SLC19A1: variants seen among roughly 807,000 people sequenced by gnomAD.
SLC19A1 encodes the protein reduced folate transporter.
Under a neutral mutation model 35.3 loss-of-function variants are expected in SLC19A1, and 37 were observed. The observed-to-expected ratio is 1.05, with a 90% confidence interval of 0.81 to 1.38. The LOEUF (loss-of-function observed/expected upper bound fraction) is 1.38, where lower values mean the gene tolerates loss of function less well. Ranked by LOEUF, SLC19A1 falls within the 40% of genes most tolerant of loss-of-function variation. The pLI, the probability that SLC19A1 is intolerant of heterozygous loss-of-function variation, is 0.00. For synonymous variants in SLC19A1, 460 were observed against 398.5 expected (o/e 1.15, Z -1.84); for missense variants, 831 against 826.9 (o/e 1.00, Z -0.06).
At chr21:45,516,511 G>A (rs968428924) in intron 5 of SLC19A1, among the ~76,000 whole-genome samples, 3 of 152,332 alleles carry the variant, frequency 2.0e-5, no homozygotes, top group East Asian at 3.9e-4. Flanking sequence ...AGAACGTCCC[G>A]CCTGGCAGAG....
downstream of SLC19A1, chr21:45,509,993 G>A (rs2037479198): frequency 6.7e-7 from 1 of 1,498,240 alleles, no homozygotes; most frequent in Non-Finnish European, 8.9e-7. Context: ...CGGGGCCGGG[G>A]TGGTGCGCCC....
chr21:45,548,895 C>G (rs1468416833), upstream of SLC19A1, among the ~76,000 whole-genome samples: 1 of 152,128 alleles, frequency 6.6e-6, no homozygotes, highest in East Asian at 1.9e-4. Context: ...ATTTAAGAAG[C>G]TGACAATACT....
At chr21:45,557,630 A>G (rs1432588852) in intron 1 of SLC19A1, among the ~76,000 whole-genome samples, 2 of 152,196 alleles carry the variant, frequency 1.3e-5, no homozygotes, top group East Asian at 3.9e-4. Context: ...AACCAAGGCC[A>G]CTCACTGCCC....
At position 45,505,235 on chromosome 21, in the gene SLC19A1, AGGCCCCCCAG is replaced by A. The variant is rs756797124; in HGVS notation, c.498-6633_498-6624del. ...GGCGCCAGGGCCCTCCCGGCCCCCC[AGGCCCCCCAG>A]GGCCCCCTTCATTTCCTGGCCCTCA... On this transcript the variant is annotated intron_variant, in intron 3 of 4. Transcript: ENST00000417954. 22 of 1,595,018 alleles carry A rather than the reference AGGCCCCCCAG, an allele frequency of 1.4e-5. No individual in the cohort carries two copies. The highest frequency in any genetic ancestry group is 1.7e-5 in the Non-Finnish European group (20 of 1,167,760).
Position 45,515,053 on chromosome 21 carries a change from G to T in SLC19A1, c.*605C>A, listed in dbSNP as rs1016751586. ...AGGGTGGGAGAGAGGAACCAGCTCC[G>T]AGGACCAGAGCCGCTGCTCCCCTCT... On this transcript the variant is annotated 3_prime_UTR_variant, in exon 6 of 6. Transcript: ENST00000311124. 6.5e-7 allele frequency: 1 copy of T among 1,544,000 alleles called. No homozygotes were observed. Among genetic ancestry groups the T allele is most frequent in the Non-Finnish European group, 8.7e-7 (1 of 1,144,936 alleles).
At position 45,515,163 on chromosome 21, in the gene SLC19A1, T is replaced by C; in HGVS notation, c.*495A>G. ...ATGCAGTTCTTCATTCTACGTCAGT[T>C]AAAAAAAAAAAAAGCATCTTTCAAA... On this transcript the variant is annotated 3_prime_UTR_variant, in exon 6 of 6. Coordinates refer to ENST00000311124, the MANE Select transcript of SLC19A1 (RefSeq NM_194255.4). The C allele has an allele frequency of 4.1e-6, 6 of 1,455,256 alleles. No homozygotes were observed. The highest frequency in any genetic ancestry group is 5.5e-6 in the Non-Finnish European group (6 of 1,094,014). 90.1% of individuals were successfully genotyped at this position (1,455,256 alleles called of 1,614,324 possible). A position where few individuals can be genotyped will look rare whatever the true frequency, so the allele number is the denominator to read the frequency against.
At chr21:45,503,892 C>T (rs2037020725) in intron 3 of SLC19A1, 1 of 979,944 alleles carries the variant, frequency 1.0e-6, no homozygotes, top group South Asian at 1.3e-5. Flanking sequence ...AATACGCGAT[C>T]TCTACCGCGA....
chr21:45,527,486 T>C (rs112186387), intron 4 of SLC19A1, among the ~76,000 whole-genome samples: 642 of 22,324 alleles, frequency 0.029, 1 homozygote, highest in Middle Eastern at 0.088. Context: ...TGAGTGGCAG[T>C]CAGTTACTGC....
chr21:45,511,079 C>CCACA (rs752924412), downstream of SLC19A1: 4 of 1,034,790 alleles, frequency 3.9e-6, no homozygotes, highest in Admixed American at 8.5e-5. Context: ...CCCCCACACA[C>CCACA]CACACACACA....
chr21:45,509,101 T>C (rs769845382), downstream of SLC19A1, among the ~76,000 whole-genome samples: 11 of 152,028 alleles, frequency 7.2e-5, no homozygotes, highest in Admixed American at 5.9e-4. Context: ...TGGTGAGTGA[T>C]TGCTGCGGCT....
chr21:45,561,988 G>A (rs893240858), intron 1 of SLC19A1, among the ~76,000 whole-genome samples: 1 of 151,040 alleles, frequency 6.6e-6, no homozygotes, highest in South Asian at 2.1e-4. Flanking sequence ...AAAATTAGCT[G>A]GGCATGGTGG....
In SLC19A1 at chr21:45,515,456, C is replaced by T. The variant is rs1252212892; in HGVS notation, c.*202G>A. 3.4e-6 allele frequency: 5 copies of T among 1,479,694 alleles called. No individual in the cohort carries two copies. Among genetic ancestry groups the T allele is most frequent in the African/African-American group, 1.4e-5 (1 of 70,944 alleles). 91.7% of individuals were successfully genotyped at this position (1,479,694 alleles called of 1,614,324 possible). On this transcript the variant is annotated 3_prime_UTR_variant, in exon 6 of 6. Transcript: ENST00000311124. ...AAGCCCGCGGGGCACAGTGCAGGGA[C>T]AGCATGGCCAGGCAGCTGCCCTGAG...
At chr21:45,505,786 T>G (rs979942854) in intron 3 of SLC19A1, 219 of 938,916 alleles carry the variant, frequency 2.3e-4, no homozygotes, top group Middle Eastern at 3.2e-4. Flanking sequence ...CTTCCGCCCC[T>G]GCCCCCCGCC....
rs915043635 is a variant in SLC19A1, at chr21:45,530,342, C to T, written c.1151+428G>A. On this transcript the variant is annotated intron_variant, in intron 4 of 5. Transcript: ENST00000311124. The surrounding 1 kb of genome is among the most constrained non-coding windows in gnomAD (Gnocchi z 5.3). The stretch of plus-strand genomic sequence containing the variant: ...AGTGTGTGGTGAGTGTCCATCTGTG[C>T]GCATGTGGTGTGTTCATGAGTGTGT... 7.0e-5 allele frequency among the ~76,000 whole-genome samples: 7 copies of T among 99,794 alleles called. No homozygotes were observed. The highest frequency in any genetic ancestry group is 5.8e-3 in the Middle Eastern group (1 of 172). 65.5% of individuals were successfully genotyped at this position (99,794 alleles called of 152,430 possible).
rs2077600332 is a variant in SLC19A1 at position 45,525,949 on chromosome 21, A to G, written c.1161T>C (p.Ile387=). Residue 387 remains isoleucine, a synonymous_variant, in exon 5 of 6, where the codon ATT becomes ATC. Coordinates refer to ENST00000311124, the MANE Select transcript of SLC19A1 (RefSeq NM_194255.4). ...QFLVPIATFQ[I]ASSLSKELCA... is the part of the protein sequence containing the mutation. The stretch of plus-strand genomic sequence containing the variant: ...AGAGCTCTTTAGACAGAGAAGATGC[A>G]ATCTGAAAGCTGAACGGGAAGAGCG... The G allele has an allele frequency of 6.2e-7, 1 of 1,613,256 alleles. No individual in the cohort carries two copies. The highest frequency in any genetic ancestry group is 8.5e-7 in the Non-Finnish European group (1 of 1,179,846).
chr21:45,550,129 T>C (rs1339906088), intron 1 of SLC19A1, among the ~76,000 whole-genome samples: 1 of 152,096 alleles, frequency 6.6e-6, no homozygotes, highest in Non-Finnish European at 1.5e-5. Flanking sequence ...CCTCCTGGGC[T>C]GCTGTGCATC....
intron 3 of SLC19A1, chr21:45,506,979 C>T (rs1043600724): frequency 7.2e-6 from 2 of 276,000 alleles, no homozygotes; most frequent in Non-Finnish European, 1.5e-5. Flanking sequence ...CTTGTAGGCA[C>T]CCGGATGCAG....
chr21:45,516,138 G>A lies in SLC19A1; in HGVS notation c.1296C>T (p.Phe432=), dbSNP rs768029902. ...TCAGGAAGTACACGGAGTATAACTG[G>A]AACTGGAAAGAGAGGCCGGGTGAGG... ...RGLGLPVRKQ[F]QLYSVYFLIL... Residue 432 remains phenylalanine (F), a splice_region_variant and synonymous_variant, in exon 6 of 6, where the codon TTC becomes TTT. Coordinates refer to ENST00000311124, the MANE Select transcript of SLC19A1 (RefSeq NM_194255.4). The A allele has an allele frequency of 3.1e-6, 5 of 1,597,750 alleles. No individual in the cohort carries two copies. The highest frequency in any genetic ancestry group is 4.3e-6 in the Non-Finnish European group (5 of 1,169,388).
chr21:45,537,789 C>A lies in SLC19A1; in HGVS notation c.171G>T (p.Lys57Asn). Residue 57 changes from lysine (K) to asparagine (N), a missense_variant, in exon 2 of 6, where the codon AAG becomes AAT. Physicochemically the swap from Lys to Asn is moderately conservative, Grantham distance 94. Coordinates refer to ENST00000311124, the MANE Select transcript of SLC19A1 (RefSeq NM_194255.4). ...FITPYLLGPD[K>N]NFTREQVTNE... Reference sequence around the variant, plus strand: ...CACATGCCTGCTCCCGCGTGAAGTTCTTGTCGGGCCCCAGGAGGTAGGGGG... The same window carrying A: ...CACATGCCTGCTCCCGCGTGAAGTTATTGTCGGGCCCCAGGAGGTAGGGGG... 6.9e-7 allele frequency: 1 copy of A among 1,458,952 alleles called. No individual in the cohort carries two copies. The highest frequency in any genetic ancestry group is 9.2e-7 in the Non-Finnish European group (1 of 1,091,466). 90.4% of individuals were successfully genotyped at this position (1,458,952 alleles called of 1,614,324 possible). A position where few individuals can be genotyped will look rare whatever the true frequency, so the allele number is the denominator to read the frequency against.
Sources: gnomAD v4.1 joint callset for allele counts (sites outside exome capture counted in the v4.1 genomes callset) on GRCh38, gnomAD v4.1.1 for gene constraint, Gnocchi (gnomAD v3.1) non-coding constraint, MANE v1.5 for transcripts, NCBI Gene and HGNC (gene_info 2026-07-23, HGNC 2026-07-21) for gene names.